Variants in ELAVL2 observed in about 807,000 individuals in gnomAD.
The protein encoded by ELAVL2 is ELAV-like protein 2.
In ELAVL2, 4 loss-of-function variants were observed where a neutral mutation model predicts 34.6. The ratio of observed to expected loss-of-function variants is 0.12; its 90% CI spans 0.06 to 0.26. The LOEUF (loss-of-function observed/expected upper bound fraction) is 0.26. Ranked by LOEUF, ELAVL2 falls within the 10% of genes least tolerant of loss-of-function variation. The probability of loss-of-function intolerance (pLI) is 1.00; values close to 1 mark genes in which losing one functional copy is unlikely to be tolerated. For missense variants in ELAVL2, 432 were observed against 442.8 expected, an observed-to-expected ratio of 0.98 and a Z score of 0.22; for synonymous variants, 193 against 154.8, an observed-to-expected ratio of 1.25 and a Z score of -1.83.
intron 1 of ELAVL2, among the ~76,000 whole-genome samples, chr9:23,777,421 T>C (rs753431874): frequency 3.9e-5 from 6 of 152,134 alleles, no homozygotes; most frequent in African/African-American, 7.2e-5. Context: ...CAGTCTCTAG[T>C]TGAGAATCAC....
At position 23,795,458 on chromosome 9, in the gene ELAVL2, G is replaced by A. The variant is rs140932120; in HGVS notation, c.-16+30348C>T. On this transcript the variant is annotated intron_variant, in intron 1 of 6. Coordinates refer to ENST00000397312, the MANE Select transcript of ELAVL2 (RefSeq NM_004432.5). ...CTCGCGAGGCTGTGACAGGAGAATC[G>A]CTTGAACCTGGGAGGCGGAGGCTGC... is the stretch of plus-strand genomic sequence containing the variant. 2.8e-4 allele frequency among the ~76,000 whole-genome samples: 42 copies of A among 152,226 alleles called. No individual in the cohort carries two copies. In the East Asian group the frequency reaches 5.8e-3, roughly 21 times the overall value.
At chr9:23,777,791 G>C (rs981271816) in intron 1 of ELAVL2, among the ~76,000 whole-genome samples, 26 of 152,184 alleles carry the variant, frequency 1.7e-4, no homozygotes, top group African/African-American at 6.3e-4. Flanking sequence ...GTTCTCTTAA[G>C]TAACTTCTTG....
the ELAVL2 span, chr9:23,847,492 A>C: frequency 1.3e-5 from 2 of 152,128 alleles, no homozygotes; most frequent in Non-Finnish European, 2.9e-5. Context: ...GCTTATGAAC[A>C]TTATAAGCTT....
intron 5 of ELAVL2, among the ~76,000 whole-genome samples, chr9:23,695,445 G>A (rs1408513257): frequency 1.3e-5 from 2 of 152,094 alleles, no homozygotes; most frequent in Non-Finnish European, 2.9e-5. Context: ...AGACAGATGA[G>A]TTTTCAGAAT....
At chr9:23,767,240 T>C (rs1027303952) in intron 1 of ELAVL2, among the ~76,000 whole-genome samples, 2 of 152,244 alleles carry the variant, frequency 1.3e-5, no homozygotes, top group African/African-American at 2.4e-5. Flanking sequence ...TAATCCTTTA[T>C]GAATTTTAAC....
At chr9:23,802,448 G>A (rs561673884) in intron 1 of ELAVL2, among the ~76,000 whole-genome samples, 144 of 152,212 alleles carry the variant, frequency 9.5e-4, no homozygotes, top group African/African-American at 3.2e-3. Context: ...AACTCCTGAA[G>A]ACAATCTTAC....
At chr9:23,736,721 AC>A (rs1370183843) in intron 2 of ELAVL2, among the ~76,000 whole-genome samples, 1 of 152,142 alleles carries the variant, frequency 6.6e-6, no homozygotes, top group Non-Finnish European at 1.5e-5. Flanking sequence ...TCACTGCTAC[AC>A]TATCCTAATA....
intron 1 of ELAVL2, among the ~76,000 whole-genome samples, chr9:23,770,283 A>T (rs928476249): frequency 2.0e-5 from 3 of 152,296 alleles, no homozygotes; most frequent in African/African-American, 7.2e-5. Flanking sequence ...TTCCAGCATT[A>T]AACAAGCAGG....
chr9:23,756,633 C>T (rs776040007), intron 2 of ELAVL2, among the ~76,000 whole-genome samples: 3 of 152,094 alleles, frequency 2.0e-5, no homozygotes, highest in Non-Finnish European at 4.4e-5. Context: ...AGCCTAGTGA[C>T]GTAAACTCAA....
At chr9:23,802,671 A>G (rs1276590514) in intron 1 of ELAVL2, among the ~76,000 whole-genome samples, 1 of 152,178 alleles carries the variant, frequency 6.6e-6, no homozygotes, top group Non-Finnish European at 1.5e-5. Flanking sequence ...TACATCCGGG[A>G]AGTCAAGAGA....
chr9:23,790,697 A>G (rs2060225418), intron 1 of ELAVL2, among the ~76,000 whole-genome samples: 1 of 152,226 alleles, frequency 6.6e-6, no homozygotes, highest in Non-Finnish European at 1.5e-5. Context: ...ACTAGGCATT[A>G]GCCATTCATC....
At chr9:23,730,966 C>G (rs1587830037) in intron 3 of ELAVL2, 56 bp downstream of exon 3, 12 of 1,491,102 alleles carry the variant, frequency 8.0e-6, no homozygotes, top group Middle Eastern at 1.7e-4. Flanking sequence ...ACAAATAAAT[C>G]TTAATTTTTT....
At chr9:23,791,523 A>G (rs2060318720) in intron 1 of ELAVL2, among the ~76,000 whole-genome samples, 1 of 152,204 alleles carries the variant, frequency 6.6e-6, no homozygotes, top group Non-Finnish European at 1.5e-5. Context: ...CTACACAACC[A>G]CTCTGTTTTT....
At chr9:23,800,722 T>G (rs2061477743) in intron 1 of ELAVL2, among the ~76,000 whole-genome samples, 1 of 152,162 alleles carries the variant, frequency 6.6e-6, no homozygotes, top group Admixed American at 6.5e-5. Flanking sequence ...TAAAATAACT[T>G]ACAGTAAAAG....
rs563766279 is a variant in ELAVL2, at chr9:23,701,812, C to T, written c.488-208G>A. ...ACAATTTTGCATTTTTAGAAAAATT[C>T]GTGTCACTTACATAATCTGAGTACC... is the stretch of plus-strand genomic sequence containing the variant. On this transcript the variant is annotated intron_variant, in intron 4 of 6. Coordinates refer to ENST00000397312, the MANE Select transcript of ELAVL2 (RefSeq NM_004432.5). Among the ~76,000 whole-genome samples, 15 of 152,274 alleles carry T rather than the reference C, an allele frequency of 9.9e-5. 1 individual carries two copies. The South Asian group carries it at 2.9e-3, about 29-fold the overall frequency.
chr9:23,787,803 A>G (rs754036850), intron 1 of ELAVL2, among the ~76,000 whole-genome samples: 10 of 152,302 alleles, frequency 6.6e-5, no homozygotes, highest in Admixed American at 2.6e-4. Context: ...GAACCACTGT[A>G]AAAGACTTTT....
chr9:23,775,649 T>C (rs1243611466), intron 1 of ELAVL2, among the ~76,000 whole-genome samples: 1 of 152,138 alleles, frequency 6.6e-6, no homozygotes. Flanking sequence ...ACGTTGCCTA[T>C]GAAGTAACAT....
At chr9:23,784,041 C>CA (rs879714651) in intron 1 of ELAVL2, among the ~76,000 whole-genome samples, 2 of 151,654 alleles carry the variant, frequency 1.3e-5, no homozygotes, top group Non-Finnish European at 2.9e-5. Context: ...AAAAAAAATA[C>CA]AAAAAAATTA....
At chr9:23,761,968 A>C (rs758711567) in intron 2 of ELAVL2, 38 bp downstream of exon 2, 2 of 1,566,370 alleles carry the variant, frequency 1.3e-6, no homozygotes, top group Admixed American at 3.7e-5. Context: ...TTGAGACACG[A>C]TCCGTTAAAT....
Sources: gnomAD v4.1 joint callset for allele counts (sites outside exome capture counted in the v4.1 genomes callset) on GRCh38, gnomAD v4.1.1 for gene constraint, MANE v1.5 for transcripts, NCBI Gene and HGNC (gene_info 2026-07-23, HGNC 2026-07-21) for gene names.